PPM1H: variants seen among roughly 807,000 people sequenced by gnomAD.
PPM1H encodes protein phosphatase, Mg2+/Mn2+ dependent 1H.
PPM1H carries 27 observed loss-of-function variants against 54.9 expected under a neutral mutation model. That is an observed-to-expected ratio of 0.49 (90% CI 0.36 to 0.68). The LOEUF (loss-of-function observed/expected upper bound fraction) is 0.68. PPM1H is among the 30% of genes least tolerant of loss of function. PPM1H has a pLI of 0.00. For synonymous variants in PPM1H, 305 were observed against 270.8 expected, an observed-to-expected ratio of 1.13 and a Z score of -1.24; for missense variants, 596 against 667.8, an observed-to-expected ratio of 0.89 and a Z score of 1.19.
At chr12:62,778,246 C>A (rs1335502255) in intron 4 of PPM1H, among the ~76,000 whole-genome samples, 1 of 152,220 alleles carries the variant, frequency 6.6e-6, no homozygotes, top group Non-Finnish European at 1.5e-5. Flanking sequence ...TATGAATTCC[C>A]TTTTCAATGC....
intron 1 of PPM1H, among the ~76,000 whole-genome samples, chr12:62,872,119 A>G (rs938041253): frequency 6.6e-6 from 1 of 152,226 alleles, no homozygotes; most frequent in Non-Finnish European, 1.5e-5. Flanking sequence ...GAGATGAGGT[A>G]TAAACATGTT....
chr12:62,793,187 T>C (rs2120719791), intron 3 of PPM1H, among the ~76,000 whole-genome samples: 1 of 152,272 alleles, frequency 6.6e-6, no homozygotes, highest in East Asian at 1.9e-4. Context: ...AAGTATGGTC[T>C]AAAAGGATCG....
chr12:62,805,214 G>A (rs1295011163), intron 2 of PPM1H, among the ~76,000 whole-genome samples: 1 of 152,134 alleles, frequency 6.6e-6, no homozygotes, highest in Non-Finnish European at 1.5e-5. Context: ...AACGAGACAA[G>A]TGTTAGTGAG....
chr12:62,891,163 A>G (rs1412716652), intron 1 of PPM1H, among the ~76,000 whole-genome samples: 1 of 151,200 alleles, frequency 6.6e-6, no homozygotes, highest in East Asian at 1.9e-4. Context: ...ATTTTTCCTT[A>G]AAAGTGATGT....
At chr12:62,800,310 C>G (rs1485530886) in intron 3 of PPM1H, among the ~76,000 whole-genome samples, 1 of 150,730 alleles carries the variant, frequency 6.6e-6, no homozygotes, top group Non-Finnish European at 1.5e-5. Flanking sequence ...CTTCTCATCA[C>G]TTTGTAATCT....
chr12:62,824,520 C>A (rs532954829), intron 2 of PPM1H, among the ~76,000 whole-genome samples: 37 of 152,154 alleles, frequency 2.4e-4, no homozygotes, highest in Non-Finnish European at 4.3e-4. Context: ...GCTACAGTAA[C>A]CAAAACAGCA....
chr12:62,774,017 T>TC (rs927876249), intron 4 of PPM1H, among the ~76,000 whole-genome samples: 11 of 151,964 alleles, frequency 7.2e-5, no homozygotes, highest in African/African-American at 1.5e-4. Flanking sequence ...TGACCAGCAT[T>TC]CCCCCCCAAA....
At chr12:62,780,242 T>C (rs1267309828) in intron 4 of PPM1H, among the ~76,000 whole-genome samples, 1 of 152,244 alleles carries the variant, frequency 6.6e-6, no homozygotes, top group Non-Finnish European at 1.5e-5. Flanking sequence ...ATTTACTGTC[T>C]ACTTAAATAC....
chr12:62,888,825 A>G (rs1276920253), intron 1 of PPM1H, among the ~76,000 whole-genome samples: 1 of 152,188 alleles, frequency 6.6e-6, no homozygotes, highest in Non-Finnish European at 1.5e-5. Flanking sequence ...AATTAAGTCC[A>G]TTTTACAATT....
Position 62,647,377 on chromosome 12 carries a change from A to ACTC in PPM1H, c.*1109_*1111dup, listed in dbSNP as rs1253871350. On this transcript the variant is annotated 3_prime_UTR_variant, in exon 10 of 10. Transcript: ENST00000228705. ...AGCAGAACTGCTGCTCCTTGACAGA[A>ACTC]CTCTGATCCTTACACTTTGTTTGGA... is the stretch of plus-strand genomic sequence containing the variant. 2 of 152,122 alleles carry ACTC rather than the reference A, an allele frequency of 1.3e-5. No individual in the cohort carries two copies. Among genetic ancestry groups the ACTC allele is most frequent in the Non-Finnish European group, 2.9e-5 (2 of 68,024 alleles). 9.4% of individuals were successfully genotyped at this position (152,122 alleles called of 1,614,324 possible).
At position 62,887,460 on chromosome 12, in the gene PPM1H, G is replaced by A. The variant is rs142430120; in HGVS notation, c.245+47032C>T. Among the ~76,000 whole-genome samples the A allele has an allele frequency of 2.6e-4, 39 of 152,312 alleles. No individual in the cohort carries two copies. In the East Asian group the frequency reaches 7.3e-3, roughly 29 times the overall value. On this transcript the variant is annotated intron_variant, in intron 1 of 9. Coordinates refer to ENST00000228705, the MANE Select transcript of PPM1H (RefSeq NM_020700.2). Reference sequence around the variant, plus strand: ...AGTGACAATTGCCAATGCTTATTGAGCAGTTATTAATGTACCAGGCATGAT... The same window carrying A: ...AGTGACAATTGCCAATGCTTATTGAACAGTTATTAATGTACCAGGCATGAT...
At chr12:62,840,001 A>G (rs537303751) in intron 1 of PPM1H, 1 of 151,796 alleles carries the variant, frequency 6.6e-6, no homozygotes, top group African/African-American at 2.4e-5. Flanking sequence ...TGATTGTGCC[A>G]CCATACTCTA....
At chr12:62,732,276 C>T (rs1329571173) in intron 5 of PPM1H, among the ~76,000 whole-genome samples, 1 of 152,184 alleles carries the variant, frequency 6.6e-6, no homozygotes, top group East Asian at 1.9e-4. Context: ...CAGAGAGCCA[C>T]ATGAAGGGCC....
chr12:62,824,213 A>C (rs1448296744), intron 2 of PPM1H, among the ~76,000 whole-genome samples: 2 of 152,222 alleles, frequency 1.3e-5, no homozygotes, highest in Non-Finnish European at 2.9e-5. Flanking sequence ...GGGCCTCTTC[A>C]AGGAAAACTA....
Position 62,934,416 on chromosome 12 carries a change from G to A in PPM1H, c.245+76C>T, listed in dbSNP as rs1872252189. On this transcript the variant is annotated intron_variant, in intron 1 of 9. Transcript: ENST00000228705. The surrounding 1 kb of genome is among the most constrained non-coding windows in gnomAD (Gnocchi z 4.2). ...TGAGAGCCCTGAGGCCGAGAAGCAG[G>A]GAGAGAAGAGGGCTGGAACCGTGCG... The A allele has an allele frequency of 2.1e-6, 3 of 1,412,382 alleles. No individual in the cohort carries two copies. The highest frequency in any genetic ancestry group is 9.2e-7 in the Non-Finnish European group (1 of 1,083,428). 87.5% of individuals were successfully genotyped at this position (1,412,382 alleles called of 1,614,324 possible).
chr12:62,923,447 G>A (rs1486601600), intron 1 of PPM1H, among the ~76,000 whole-genome samples: 6 of 152,072 alleles, frequency 3.9e-5, no homozygotes, highest in African/African-American at 1.4e-4. Context: ...TGGCCCCCAG[G>A]CTGGAGTGCA....
chr12:62,826,581 C>T (rs1029667955), intron 2 of PPM1H, among the ~76,000 whole-genome samples: 1 of 152,056 alleles, frequency 6.6e-6, no homozygotes, highest in Admixed American at 6.5e-5. Context: ...ATAAAAAATT[C>T]CTATAATACT....
intron 6 of PPM1H, among the ~76,000 whole-genome samples, chr12:62,699,910 G>C (rs1453322358): frequency 2.6e-5 from 4 of 152,154 alleles, no homozygotes; most frequent in Non-Finnish European, 4.4e-5. Context: ...TGGCTCTCCT[G>C]ATCATACCAC....
At chr12:62,675,688 C>A (rs1458872548) in intron 8 of PPM1H, among the ~76,000 whole-genome samples, 1 of 152,154 alleles carries the variant, frequency 6.6e-6, no homozygotes, top group Admixed American at 6.5e-5. Context: ...CTTGAAAATT[C>A]CTGGTTGAGG....
Sources: allele counts gnomAD v4.1 joint callset (sites outside exome capture counted in the v4.1 genomes callset), GRCh38; gene constraint gnomAD v4.1.1; non-coding constraint Gnocchi (gnomAD v3.1); transcripts MANE v1.5; gene names NCBI Gene and HGNC (gene_info 2026-07-23, HGNC 2026-07-21).